The following CDH20 variants were observed in gnomAD, a reference collection of about 807,000 sequenced individuals.
CDH20 encodes the protein cadherin-20.
Under a neutral mutation model 74.2 loss-of-function variants are expected in CDH20, and 29 were observed. That is an observed-to-expected ratio of 0.39 (90% confidence interval 0.29 to 0.53). The LOEUF (loss-of-function observed/expected upper bound fraction) is 0.53. CDH20 is among the 20% of genes least tolerant of loss of function. The pLI is 0.69. For synonymous variants in CDH20, 469 were observed against 405.4 expected, an observed-to-expected ratio of 1.16 and a Z score of -1.88; for missense variants, 988 against 1,048.3, an observed-to-expected ratio of 0.94 and a Z score of 0.79.
intron 1 of CDH20, among the ~76,000 whole-genome samples, chr18:61,373,800 T>A (rs1021875189): frequency 6.6e-6 from 1 of 152,126 alleles, no homozygotes; most frequent in Non-Finnish European, 1.5e-5. Context: ...TCCTTTCCAA[T>A]ACAGCACCCA....
intron 1 of CDH20, among the ~76,000 whole-genome samples, chr18:61,456,946 C>G (rs888528355): frequency 3.3e-5 from 5 of 152,128 alleles, no homozygotes; most frequent in African/African-American, 1.2e-4. Context: ...TCTTAAGGCT[C>G]CACCTTTATG....
At chr18:61,347,196 C>A (rs1010364369) in intron 1 of CDH20, among the ~76,000 whole-genome samples, 6 of 149,928 alleles carry the variant, frequency 4.0e-5, no homozygotes, top group African/African-American at 1.2e-4. Flanking sequence ...TGCCTGTGAT[C>A]CTAGCACTTA....
chr18:61,498,216 G>A (rs11663335), intron 2 of CDH20, among the ~76,000 whole-genome samples: 29,966 of 151,870 alleles, frequency 0.2, 3,147 homozygotes, highest in South Asian at 0.42. Context: ...CCTGACCAAC[G>A]TGGCCAAACC....
chr18:61,473,039 C>T (rs1326031075), intron 1 of CDH20, among the ~76,000 whole-genome samples: 3 of 152,122 alleles, frequency 2.0e-5, no homozygotes, highest in Non-Finnish European at 4.4e-5. Context: ...GTAGTTTTTG[C>T]TCAAATAATA....
intron 5 of CDH20, among the ~76,000 whole-genome samples, chr18:61,507,009 T>C (rs1274156498): frequency 6.6e-6 from 1 of 152,208 alleles, no homozygotes; most frequent in Non-Finnish European, 1.5e-5. Flanking sequence ...ACAGTGTTTA[T>C]CACTCTCAGA....
In CDH20 at chr18:61,457,822, C is replaced by G. The variant is rs564786610; in HGVS notation, c.-152-32580C>G. On this transcript the variant is annotated intron_variant, in intron 1 of 11. Coordinates refer to ENST00000262717, the MANE Select transcript of CDH20 (RefSeq NM_031891.4). ...AAAGCTGAGAATTCTCCAGCCTCTA[C>G]CCCACCCCGTTTTCCATCCAGGCAA... Among the ~76,000 whole-genome samples the G allele has an allele frequency of 1.1e-4, 16 of 152,240 alleles. No homozygotes were observed. In the South Asian group the frequency reaches 3.3e-3, roughly 32 times the overall value.
Position 61,468,569 on chromosome 18 carries a change from CCT to C in CDH20, c.-152-21832_-152-21831del, listed in dbSNP as rs1192115904. Among the ~76,000 whole-genome samples the C allele has an allele frequency of 4.6e-5, 7 of 152,092 alleles. No individual in the cohort carries two copies. In the East Asian group the frequency reaches 5.8e-4, roughly 13 times the overall value. On this transcript the variant is annotated intron_variant, in intron 1 of 11. Transcript: ENST00000262717. ...TAATGCACTGTGTTTCTCTAGTATCCCTTTTTCCCCCCTACTTGCTCCACTAA... is the reference window on the plus strand; with the variant it reads ...TAATGCACTGTGTTTCTCTAGTATCCTTTTCCCCCCTACTTGCTCCACTAA...
intron 1 of CDH20, among the ~76,000 whole-genome samples, chr18:61,335,688 C>G (rs12454090): frequency 0.069 from 10,574 of 152,178 alleles, 508 homozygotes; most frequent in Middle Eastern, 0.14. Context: ...GGACAGTTGT[C>G]GTGAGATGAT....
chr18:61,508,962 T>C (rs559283716), intron 6 of CDH20, among the ~76,000 whole-genome samples: 1 of 152,182 alleles, frequency 6.6e-6, no homozygotes, highest in South Asian at 2.1e-4. Flanking sequence ...TTCTAAGTGA[T>C]GTAACTCCAG....
At chr18:61,531,598 GT>G (rs1387847883) in intron 7 of CDH20, among the ~76,000 whole-genome samples, 1 of 152,198 alleles carries the variant, frequency 6.6e-6, no homozygotes, top group Non-Finnish European at 1.5e-5. Context: ...TGAAGCATGT[GT>G]TTTTCTTTAT....
chr18:61,497,712 A>G (rs984003973), intron 2 of CDH20, among the ~76,000 whole-genome samples: 1 of 152,198 alleles, frequency 6.6e-6, no homozygotes, highest in African/African-American at 2.4e-5. Context: ...TGCTGTCCTC[A>G]CACTTATAAG....
At chr18:61,502,886 G>A in intron 4 of CDH20, 67 bp from the exon 5 acceptor site, 1 of 1,379,010 alleles carries the variant, frequency 7.3e-7, no homozygotes, top group Admixed American at 2.1e-5. Context: ...GAGACACCTA[G>A]AAACCAATCT....
At chr18:61,373,571 C>G (rs964719761) in intron 1 of CDH20, among the ~76,000 whole-genome samples, 17 of 152,124 alleles carry the variant, frequency 1.1e-4, no homozygotes, top group African/African-American at 3.9e-4. Context: ...ATGGGACACA[C>G]CTTAATTCCC....
At chr18:61,444,549 A>G (rs544295867) in intron 1 of CDH20, among the ~76,000 whole-genome samples, 2 of 152,286 alleles carry the variant, frequency 1.3e-5, no homozygotes, top group African/African-American at 4.8e-5. Flanking sequence ...ATAGTCAATT[A>G]CTTGCTGGTA....
At chr18:61,401,138 A>G (rs2144225809) in intron 1 of CDH20, among the ~76,000 whole-genome samples, 1 of 152,350 alleles carries the variant, frequency 6.6e-6, no homozygotes, top group South Asian at 2.1e-4. Flanking sequence ...GAGAAGAGGC[A>G]CTAATCATTC....
intron 1 of CDH20, among the ~76,000 whole-genome samples, chr18:61,420,161 AT>A (rs1054104412): frequency 6.6e-6 from 1 of 152,090 alleles, no homozygotes; most frequent in Non-Finnish European, 1.5e-5. Context: ...CTCAGCCTAT[AT>A]TTTTTAATAC....
intron 6 of CDH20, among the ~76,000 whole-genome samples, chr18:61,525,495 T>C (rs1470464927): frequency 2.0e-5 from 3 of 152,132 alleles, no homozygotes; most frequent in Non-Finnish European, 2.9e-5. Context: ...GTCCTTCAAA[T>C]ATATCATTAA....
chr18:61,394,626 T>C (rs1911901340), intron 1 of CDH20, among the ~76,000 whole-genome samples: 1 of 152,098 alleles, frequency 6.6e-6, no homozygotes, highest in Non-Finnish European at 1.5e-5. Flanking sequence ...TGTGAGACAA[T>C]AGATTACTGT....
At chr18:61,528,406 G>T (rs1912520582) in intron 7 of CDH20, among the ~76,000 whole-genome samples, 186 bp downstream of exon 7, 1 of 140,236 alleles carries the variant, frequency 7.1e-6, no homozygotes, top group African/African-American at 2.7e-5. Flanking sequence ...AGGTTGTTTA[G>T]AAGTGTCATT....
Sources: gnomAD v4.1 joint callset for allele counts (sites outside exome capture counted in the v4.1 genomes callset) on GRCh38, gnomAD v4.1.1 for gene constraint, MANE v1.5 for transcripts, NCBI Gene and HGNC (gene_info 2026-07-23, HGNC 2026-07-21) for gene names.